The following MEIS2 variants were observed in gnomAD, a reference collection of about 807,000 sequenced individuals.
MEIS2 encodes Meis homeobox 2, also known as homeobox protein Meis2.
A neutral mutation model predicts 58.6 loss-of-function variants in MEIS2; 9 were observed. That is an observed-to-expected ratio of 0.15 (90% CI 0.09 to 0.27). MEIS2 has a LOEUF of 0.27. Ranked by LOEUF, MEIS2 falls within the 10% of genes least tolerant of loss-of-function variation. The pLI, the probability that MEIS2 is intolerant of heterozygous loss-of-function variation, is 1.00. For synonymous variants in MEIS2, 221 were observed against 228.4 expected (o/e 0.97, Z 0.29); for missense variants, 427 against 635.0 (o/e 0.67, Z 3.52).
At chr15:37,022,069 T>C (rs1259976990) in intron 8 of MEIS2, among the ~76,000 whole-genome samples, 2 of 152,118 alleles carry the variant, frequency 1.3e-5, no homozygotes, top group Admixed American at 6.5e-5. Flanking sequence ...TCTTTATACA[T>C]AATTTTGCAT....
chr15:37,097,625 G>T (rs1894444742), intron 2 of MEIS2, among the ~76,000 whole-genome samples: 1 of 152,162 alleles, frequency 6.6e-6, no homozygotes, highest in East Asian at 1.9e-4. Context: ...CTTCGTCAAG[G>T]CCTCTGTTAG....
chr15:36,952,607 C>CTCTGTGTGTGTGTG lies in MEIS2; in HGVS notation c.901-2208_901-2207insCACACACACACAGA, dbSNP rs1490440825. 6.0e-3 allele frequency among the ~76,000 whole-genome samples: 842 copies of CTCTGTGTGTGTGTG among 140,042 alleles called. 4 individuals are homozygous for CTCTGTGTGTGTGTG. The highest frequency in any genetic ancestry group is 9.8e-3 in the East Asian group (46 of 4,684). The allele number at this position is 140,042 out of a possible 152,430, so 91.9% of individuals were successfully genotyped here. On this transcript the variant is annotated intron_variant, in intron 8 of 11. Transcript: ENST00000561208. ...AGAGTCTGTCTGTCTGTCTCTCTCT[C>CTCTGTGTGTGTGTG]TGTGTGTGTGTGTGTGTGTGTGTGT...
At position 37,002,041 on chromosome 15, in the gene MEIS2, T is replaced by C. The variant is rs111303381; in HGVS notation, c.900+34773A>G. 3.8e-3 allele frequency among the ~76,000 whole-genome samples: 585 copies of C among 152,300 alleles called. 7 individuals carry two copies. Among genetic ancestry groups the C allele is most frequent in the African/African-American group, 0.014 (570 of 41,554 alleles). ...CTTTTCCAAACTAATTGTTCTGAAT[T>C]ATAACAATATTCTGTCTGTTTCTTG... On this transcript the variant is annotated intron_variant, in intron 8 of 11. Transcript: ENST00000561208.
At chr15:36,970,174 C>T (rs188017067) in intron 8 of MEIS2, among the ~76,000 whole-genome samples, 115 of 152,140 alleles carry the variant, frequency 7.6e-4, no homozygotes, top group East Asian at 1.7e-3. Context: ...GAGGCCAAGG[C>T]GGGAGGATCA....
intron 9 of MEIS2, among the ~76,000 whole-genome samples, chr15:36,948,793 T>C (rs1365781045): frequency 6.6e-6 from 1 of 151,988 alleles, no homozygotes; most frequent in Non-Finnish European, 1.5e-5. Context: ...ATATTTACAC[T>C]ATGAAGCGCC....
chr15:36,920,226 C>T (rs1275480081), intron 9 of MEIS2, among the ~76,000 whole-genome samples: 7 of 151,822 alleles, frequency 4.6e-5, no homozygotes, highest in African/African-American at 9.7e-5. Context: ...CTTGGCTCAC[C>T]GCAACCTCCA....
chr15:37,095,927 G>T, intron 3 of MEIS2: 1 of 458,526 alleles, frequency 2.2e-6, no homozygotes, highest in Non-Finnish European at 3.9e-6. Context: ...GGGACCGCTC[G>T]GAGAGGCGCC....
chr15:36,998,236 G>GTTTTTTTTTTTTTTTT (rs5811954), intron 8 of MEIS2, among the ~76,000 whole-genome samples: 1 of 66,754 alleles, frequency 1.5e-5, no homozygotes, highest in Non-Finnish European at 2.7e-5. Flanking sequence ...AAAACACAAA[G>GTTTTTTTTTTTTTTTT]TTTTTTTTTT....
At chr15:37,098,347 A>G in intron 1 of MEIS2, 148 bp from the exon 2 acceptor site, 1 of 1,135,156 alleles carries the variant, frequency 8.8e-7, no homozygotes, top group Admixed American at 4.5e-5. Flanking sequence ...GGTAAGAGAG[A>G]AGAGAGGAGG....
chr15:36,916,457 G>T, intron 9 of MEIS2, among the ~76,000 whole-genome samples: 1 of 151,006 alleles, frequency 6.6e-6, no homozygotes, highest in East Asian at 1.9e-4. Flanking sequence ...AAAGAGACAG[G>T]GTCTCACTTT....
chr15:36,950,715 T>C (rs367770878), intron 8 of MEIS2, among the ~76,000 whole-genome samples: 4 of 152,238 alleles, frequency 2.6e-5, no homozygotes, highest in African/African-American at 7.2e-5. Context: ...CTAACTCGCT[T>C]CTGTTGCACT....
chr15:37,086,767 C>T (rs956988007), intron 6 of MEIS2, among the ~76,000 whole-genome samples: 7 of 152,134 alleles, frequency 4.6e-5, no homozygotes, highest in African/African-American at 1.7e-4. Flanking sequence ...GGAGTTACCA[C>T]AAGTTGTTTG....
Position 37,023,073 on chromosome 15 carries a change from T to C in MEIS2, c.900+13741A>G, listed in dbSNP as rs531052797. ...GTTTAGTGTTTTTCTTTATTTTGTA[T>C]ATGCTGTTTTCTTGGCATTCAAAAG... is the stretch of plus-strand genomic sequence containing the variant. On this transcript the variant is annotated intron_variant, in intron 8 of 11. Transcript: ENST00000561208. 3.3e-5 allele frequency among the ~76,000 whole-genome samples: 5 copies of C among 152,346 alleles called. No individual in the cohort carries two copies. The South Asian group carries it at 8.3e-4, about 25-fold the overall frequency.
At chr15:37,087,609 A>G (rs1893040996) in intron 6 of MEIS2, among the ~76,000 whole-genome samples, 1 of 152,172 alleles carries the variant, frequency 6.6e-6, no homozygotes, top group South Asian at 2.1e-4. Context: ...TAAAAAAAAA[A>G]ATTGATTTAG....
chr15:36,957,911 C>T (rs760792048), intron 8 of MEIS2, among the ~76,000 whole-genome samples: 7 of 152,058 alleles, frequency 4.6e-5, no homozygotes, highest in African/African-American at 7.2e-5. Flanking sequence ...ACACAATATT[C>T]GGATATTTGA....
rs1384503739 is a variant in MEIS2 at position 37,098,386 on chromosome 15, GA to G, written c.13-188del. On this transcript the variant is annotated intron_variant, in intron 1 of 11. Coordinates refer to ENST00000561208, the MANE Select transcript of MEIS2 (RefSeq NM_170675.5). ...AGGAAAAGGAGGAGAGGGGGAGAGA[GA>G]GAGAGAGAGAGAGAGAGAGAGAGAG... The G allele has an allele frequency of 7.6e-6, 7 of 925,832 alleles. No individual in the cohort carries two copies. The African/African-American group carries it at 1.1e-4, about 14-fold the overall frequency. 57.4% of individuals were successfully genotyped at this position (925,832 alleles called of 1,614,324 possible).
chr15:36,981,057 T>C (rs912105183), intron 8 of MEIS2, among the ~76,000 whole-genome samples: 1 of 151,646 alleles, frequency 6.6e-6, no homozygotes, highest in Non-Finnish European at 1.5e-5. Context: ...GATGTGTAGA[T>C]TGAGAAAAAT....
rs900068550 is a variant in MEIS2, at chr15:36,948,290, C to T, written c.977+2034G>A. 1.3e-5 allele frequency among the ~76,000 whole-genome samples: 2 copies of T among 151,864 alleles called. 1 individual carries two copies. Among genetic ancestry groups the T allele is most frequent in the South Asian group, 4.1e-4 (2 of 4,832 alleles). On this transcript the variant is annotated intron_variant, in intron 9 of 11. Transcript: ENST00000561208. ...GAGAAACAAGAAACCTAAACTCTCACACTCACTGAACTCCGTGTATATGCC... is the reference window on the plus strand; with the variant it reads ...GAGAAACAAGAAACCTAAACTCTCATACTCACTGAACTCCGTGTATATGCC...
intron 9 of MEIS2, among the ~76,000 whole-genome samples, chr15:36,908,871 G>A (rs527518291): frequency 1.3e-5 from 2 of 152,112 alleles, no homozygotes; most frequent in African/African-American, 2.4e-5. Flanking sequence ...CCTGGGAGGC[G>A]GAGGTTGTGG....
Sources: allele counts gnomAD v4.1 joint callset (sites outside exome capture counted in the v4.1 genomes callset), GRCh38; gene constraint gnomAD v4.1.1; transcripts MANE v1.5; gene names NCBI Gene and HGNC (gene_info 2026-07-23, HGNC 2026-07-21).